EML2: variants seen among roughly 807,000 people sequenced by gnomAD.
EML2 encodes the protein echinoderm microtubule-associated protein-like 2.
Under a neutral mutation model 84.7 loss-of-function variants are expected in EML2, and 59 were observed. The observed-to-expected ratio is 0.70, with a 90% confidence interval of 0.56 to 0.86. The LOEUF (loss-of-function observed/expected upper bound fraction) is 0.86. EML2 is among the 40% of genes least tolerant of loss of function. EML2 has a pLI of 0.00. For missense variants in EML2, 818 were observed against 855.6 expected (o/e 0.96, Z 0.55); for synonymous variants, 352 against 348.9 (o/e 1.01, Z -0.10).
At chr19:45,626,380 CTTTTTTT>C (rs35850853) in intron 8 of EML2, among the ~76,000 whole-genome samples, 32 of 79,452 alleles carry the variant, frequency 4.0e-4, no homozygotes, top group African/African-American at 1.3e-3. Flanking sequence ...ATCCTCACAA[CTTTTTTT>C]TTTTTTTTTT....
intron 3 of EML2, among the ~76,000 whole-genome samples, chr19:45,637,679 T>C (rs1342840377): frequency 7.9e-6 from 1 of 127,092 alleles, no homozygotes; most frequent in African/African-American, 2.9e-5. Context: ...TTTTTTTTTT[T>C]TTTTTTTTTT....
At chr19:45,637,159 G>A (rs1973822085) in intron 3 of EML2, among the ~76,000 whole-genome samples, 1 of 152,206 alleles carries the variant, frequency 6.6e-6, no homozygotes, top group Admixed American at 6.6e-5. Context: ...AGAAGGCCAG[G>A]CCATTTCACC....
At chr19:45,634,556 AT>A (rs1437811158) in intron 3 of EML2, 85 bp from the exon 4 acceptor site, 6 of 1,050,150 alleles carry the variant, frequency 5.7e-6, no homozygotes, top group East Asian at 3.9e-5. Context: ...TTTATTTTTA[AT>A]TTTTTTATTT....
intron 3 of EML2, among the ~76,000 whole-genome samples, chr19:45,635,583 C>CTTTTT (rs1172930803): frequency 9.2e-6 from 1 of 108,486 alleles, no homozygotes; most frequent in South Asian, 3.1e-4. Flanking sequence ...TGTCTGTTTC[C>CTTTTT]TTTTTTTTTT....
chr19:45,643,851 C>T, upstream of EML2: 1 of 1,232,964 alleles, frequency 8.1e-7, no homozygotes, highest in South Asian at 1.6e-5. Flanking sequence ...GTGGGAGCCT[C>T]CTGAGGTCAG....
At chr19:45,637,148 CAGA>C (rs970370487) in intron 3 of EML2, among the ~76,000 whole-genome samples, 2 of 152,170 alleles carry the variant, frequency 1.3e-5, no homozygotes, top group Non-Finnish European at 2.9e-5. Flanking sequence ...TCTGGGCACC[CAGA>C]AGGCCAGGCC....
upstream of EML2, chr19:45,642,199 G>T (rs1226676708): frequency 6.5e-7 from 1 of 1,533,724 alleles, no homozygotes; most frequent in Non-Finnish European, 8.7e-7. Flanking sequence ...GCGTAGCGCC[G>T]CTCCCTGTTC....
chr19:45,616,693 C>T (rs943515311), intron 14 of EML2, 72 bp downstream of exon 14: 14 of 1,474,914 alleles, frequency 9.5e-6, no homozygotes, highest in Non-Finnish European at 1.2e-5. Context: ...GGCTCCACCC[C>T]TCCCCCTGCC....
At position 45,635,482 on chromosome 19, in the gene EML2, C is replaced by G. The variant is rs1373747938; in HGVS notation, c.180-1011G>C. Among the ~76,000 whole-genome samples, 3 of 151,322 alleles carry G rather than the reference C, an allele frequency of 2.0e-5. 1 individual carries two copies. Among genetic ancestry groups the G allele is most frequent in the Non-Finnish European group, 4.4e-5 (3 of 67,968 alleles). On this transcript the variant is annotated intron_variant, in intron 3 of 18. Coordinates refer to ENST00000245925, the MANE Select transcript of EML2 (RefSeq NM_012155.4). ...TCACACACACTGGCTGAGGACCAGACTCAACAAGGTCATTGGAATGAGGTT... is the reference window on the plus strand; with the variant it reads ...TCACACACACTGGCTGAGGACCAGAGTCAACAAGGTCATTGGAATGAGGTT...
chr19:45,638,442 G>A (rs1188956518), intron 3 of EML2, 63 bp downstream of exon 3: 1 of 1,608,680 alleles, frequency 6.2e-7, no homozygotes, highest in African/African-American at 1.3e-5. Context: ...GAGCTGCCTT[G>A]ACCGCCTTTC....
In EML2 at chr19:45,616,506, C is replaced by T. The variant is rs902110528; in HGVS notation, c.1464G>A (p.Thr488=). Residue 488 remains threonine, a synonymous_variant, in exon 15 of 19, where the codon ACG becomes ACA. Coordinates refer to ENST00000245925, the MANE Select transcript of EML2 (RefSeq NM_012155.4). ...TGACCTTGCGGCCGCCCTGGTCCAC[C>T]GTGTACACGTACACCAAGTTGTCGT... The part of the protein sequence containing the change: ...GSHDNLVYVY[T]VDQGGRKVSR... 6.2e-7 allele frequency: 1 copy of T among 1,607,126 alleles called. No individual in the cohort carries two copies. Among genetic ancestry groups the T allele is most frequent in the African/African-American group, 1.3e-5 (1 of 74,772 alleles).
At chr19:45,645,242 G>A, upstream of EML2, 1 of 1,529,672 alleles carries the variant, frequency 6.5e-7, no homozygotes, top group Non-Finnish European at 8.7e-7. Context: ...CCTTGGGCGG[G>A]GCCAAGGTCG....
intron 15 of EML2, 145 bp from the exon 16 acceptor site, chr19:45,616,034 G>C: frequency 1.5e-6 from 1 of 664,284 alleles, no homozygotes. Context: ...ACAGGCCTTT[G>C]GAGTATGGGG....
intron 16 of EML2, 114 bp from the exon 17 acceptor site, chr19:45,614,814 G>A (rs1970845094): frequency 1.2e-6 from 1 of 831,320 alleles, no homozygotes; most frequent in Admixed American, 2.0e-5. Flanking sequence ...AAGGTCCCAG[G>A]GCTCATTCTA....
At chr19:45,641,773 G>A (rs1974534790), upstream of EML2, 1 of 1,535,182 alleles carries the variant, frequency 6.5e-7, no homozygotes, top group Non-Finnish European at 8.7e-7. Flanking sequence ...ACAGGTGGGG[G>A]CAGAGCCTTC....
chr19:45,616,679 C>G lies in EML2; in HGVS notation c.1411+86G>C, dbSNP rs183220520. 7.8e-5 allele frequency: 112 copies of G among 1,432,172 alleles called. No homozygotes were observed. In the African/African-American group the frequency reaches 1.5e-3, roughly 19 times the overall value. The allele number at this position is 1,432,172 out of a possible 1,614,324, so 88.7% of individuals were successfully genotyped here. ...ACTGCATCCCTCCTAGGCCTCGCTT[C>G]GCAGGCTCCACCCCTCCCCCTGCCA... On this transcript the variant is annotated intron_variant, in intron 14 of 18. Transcript: ENST00000245925.
upstream of EML2, chr19:45,642,221 G>C (rs569323597): frequency 7.2e-6 from 11 of 1,535,340 alleles, no homozygotes; most frequent in South Asian, 2.4e-5. Flanking sequence ...TCGCATGCCC[G>C]CAGGCGACGC....
chr19:45,627,221 T>G (rs944262544), intron 7 of EML2, among the ~76,000 whole-genome samples: 23 of 151,832 alleles, frequency 1.5e-4, no homozygotes, highest in African/African-American at 5.6e-4. Context: ...CCTCCTAAAG[T>G]GCTGGGATTA....
At chr19:45,624,912 C>A in intron 8 of EML2, 94 bp from the exon 9 acceptor site, 1 of 844,452 alleles carries the variant, frequency 1.2e-6, no homozygotes, top group Admixed American at 2.0e-5. Context: ...GCCAGGCAAT[C>A]CCCTCTATCT....
Sources: gnomAD v4.1 joint callset for allele counts (sites outside exome capture counted in the v4.1 genomes callset) on GRCh38, gnomAD v4.1.1 for gene constraint, MANE v1.5 for transcripts, NCBI Gene and HGNC (gene_info 2026-07-23, HGNC 2026-07-21) for gene names.